The following AVL9 variants were observed in gnomAD, a reference collection of about 807,000 sequenced individuals.
AVL9 encodes the protein late secretory pathway protein AVL9 homolog.
AVL9 carries 49 observed loss-of-function variants against 79.2 expected under a neutral mutation model. The observed-to-expected ratio is 0.62, with a 90% CI of 0.49 to 0.79. The LOEUF (loss-of-function observed/expected upper bound fraction) is 0.79, where lower values mean the gene tolerates loss of function less well. AVL9 is among the 30% of genes least tolerant of loss of function. AVL9 has a pLI of 0.00. For missense variants in AVL9, 682 were observed against 776.8 expected (o/e 0.88, Z 1.45); for synonymous variants, 299 against 280.6 (o/e 1.07, Z -0.65).
intron 1 of AVL9, among the ~76,000 whole-genome samples, chr7:32,505,979 C>A (rs546352818): frequency 6.6e-6 from 1 of 152,062 alleles, no homozygotes; most frequent in African/African-American, 2.4e-5. Flanking sequence ...GTAAAGTGTG[C>A]CCTAAACATA....
At position 32,559,125 on chromosome 7, in the gene AVL9, G is replaced by A. The variant is rs941129172; in HGVS notation, c.876G>A (p.Lys292=). ...AGNHGEDAAM[K]TEEPLFQVED... is the part of the protein sequence containing the mutation. ...ACCATGGAGAAGATGCTGCCATGAAGACTGAGGAGCCTTTGTTCCAAGTGG... is the reference window on the plus strand; with the variant it reads ...ACCATGGAGAAGATGCTGCCATGAAAACTGAGGAGCCTTTGTTCCAAGTGG... The change falls in exon 10 of 16, where the codon AAG becomes AAA. Residue 292 remains lysine (K), a synonymous_variant. Transcript: ENST00000318709. The A allele has an allele frequency of 2.5e-6, 4 of 1,614,088 alleles. No individual in the cohort carries two copies. In the African/African-American group the frequency reaches 5.3e-5, roughly 22 times the overall value.
Position 32,586,668 on chromosome 7 carries a change from G to T in AVL9, c.*2761G>T. On this transcript the variant is annotated 3_prime_UTR_variant, in exon 16 of 16. Transcript: ENST00000318709. ...TTTTGTGTCTAAGAATTGAGTATTT[G>T]TACCTAGGTGTGAGGGAACCAGGGT... 1 of 152,196 alleles carries T rather than the reference G, an allele frequency of 6.6e-6. No homozygotes were observed. Among genetic ancestry groups the T allele is most frequent in the East Asian group, 1.9e-4 (1 of 5,190 alleles). 9.4% of individuals were successfully genotyped at this position (152,196 alleles called of 1,614,324 possible).
At chr7:32,558,798 C>A in intron 9 of AVL9, 131 bp from the exon 10 acceptor site, 2 of 1,059,380 alleles carry the variant, frequency 1.9e-6, no homozygotes, top group Non-Finnish European at 2.6e-6. Context: ...TCTTTCTGTT[C>A]TTTTTGTTTT....
rs1421210773 is a variant in AVL9, at chr7:32,541,316, T to A, written c.94-1825T>A. Among the ~76,000 whole-genome samples, 5 of 149,718 alleles carry A rather than the reference T, an allele frequency of 3.3e-5. No individual in the cohort carries two copies. In the Admixed American group the frequency reaches 3.4e-4, roughly 10 times the overall value. On this transcript the variant is annotated intron_variant, in intron 1 of 15. Transcript: ENST00000318709. Reference sequence around the variant, plus strand: ...TAATGTTTGTTTATTTAAAACCATGTTTATTTCATACAAAATTCATTTTAA... The same window carrying A: ...TAATGTTTGTTTATTTAAAACCATGATTATTTCATACAAAATTCATTTTAA...
At chr7:32,564,044 C>T (rs1172107353) in intron 10 of AVL9, among the ~76,000 whole-genome samples, 3 of 152,238 alleles carry the variant, frequency 2.0e-5, no homozygotes, top group South Asian at 2.1e-4. Context: ...GCTATTTCAC[C>T]GACCTGCCCT....
intron 1 of AVL9, among the ~76,000 whole-genome samples, chr7:32,515,400 C>T (rs1787865298): frequency 1.3e-5 from 2 of 152,218 alleles, no homozygotes; most frequent in Admixed American, 6.5e-5. Flanking sequence ...AGCTGGGAGC[C>T]CTCCTCCCTC....
intron 1 of AVL9, chr7:32,534,179 T>C (rs982047249): frequency 6.6e-6 from 1 of 152,224 alleles, no homozygotes; most frequent in Non-Finnish European, 1.5e-5. Flanking sequence ...GCTTTTACTT[T>C]TTAGAAATCA....
In AVL9 at chr7:32,552,299, A is replaced by C; in HGVS notation, c.529+4A>C. On this transcript the variant is annotated splice_donor_region_variant and intron_variant, in intron 6 of 15. Coordinates refer to ENST00000318709, the MANE Select transcript of AVL9 (RefSeq NM_015060.3). ...GAAGGATCCCAAGTATATCTTGGTA[A>C]GTAACTGACTTACAAGTTAAAAGAG... The C allele has an allele frequency of 6.3e-7, 1 of 1,577,906 alleles. No homozygotes were observed. Among genetic ancestry groups the C allele is most frequent in the Non-Finnish European group, 8.7e-7 (1 of 1,149,110 alleles).
chr7:32,580,285 A>AGAAAATACTGG lies in AVL9; in HGVS notation c.1742+20_1742+30dup. The AGAAAATACTGG allele has an allele frequency of 6.2e-7, 1 of 1,600,176 alleles. No homozygotes were observed. Among genetic ancestry groups the AGAAAATACTGG allele is most frequent in the Non-Finnish European group, 8.5e-7 (1 of 1,171,174 alleles). Reference sequence around the variant, plus strand: ...TAAGGTTCTCACAGTAAGTACTTAGAGAAAATACTGGGAAAATTCTTAAGT... The same window carrying AGAAAATACTGG: ...TAAGGTTCTCACAGTAAGTACTTAGAGAAAATACTGGGAAAATACTGGGAAAATTCTTAAGT... On this transcript the variant is annotated intron_variant, in intron 14 of 15. Transcript: ENST00000318709.
At chr7:32,515,836 T>A (rs749830413) in intron 1 of AVL9, among the ~76,000 whole-genome samples, 3 of 152,174 alleles carry the variant, frequency 2.0e-5, no homozygotes, top group Non-Finnish European at 4.4e-5. Context: ...AATTCCAAAT[T>A]GTAGGGAACA....
chr7:32,543,401 A>G, intron 2 of AVL9, 140 bp downstream of exon 2: 1 of 1,081,804 alleles, frequency 9.2e-7, no homozygotes, highest in Non-Finnish European at 1.3e-6. Flanking sequence ...TTGTTTGGAG[A>G]TAACTAGTCA....
intron 10 of AVL9, among the ~76,000 whole-genome samples, chr7:32,568,589 AAG>A (rs1790689072): frequency 6.6e-6 from 1 of 152,164 alleles, no homozygotes; most frequent in Admixed American, 6.5e-5. Flanking sequence ...CCTATTCATG[AAG>A]AGTTTGGATT....
intron 1 of AVL9, among the ~76,000 whole-genome samples, chr7:32,524,302 G>A (rs1427464219): frequency 6.6e-6 from 1 of 152,018 alleles, no homozygotes; most frequent in Admixed American, 6.5e-5. Flanking sequence ...GATCACCTGA[G>A]GTCAGGAGTT....
chr7:32,582,128 A>G (rs1236887697), intron 15 of AVL9, among the ~76,000 whole-genome samples: 1 of 152,154 alleles, frequency 6.6e-6, no homozygotes, highest in African/African-American at 2.4e-5. Flanking sequence ...TTTTATTTTG[A>G]TGTAGTTTCA....
chr7:32,511,061 G>A (rs1308097200), intron 1 of AVL9, among the ~76,000 whole-genome samples: 73 of 127,694 alleles, frequency 5.7e-4, no homozygotes, highest in African/African-American at 6.4e-4. Context: ...GGTTGTGGGA[G>A]TCCACAGTCC....
chr7:32,564,955 G>T (rs1790490744), intron 10 of AVL9, among the ~76,000 whole-genome samples: 3 of 152,016 alleles, frequency 2.0e-5, no homozygotes, highest in African/African-American at 7.2e-5. Flanking sequence ...TGAGGGAAGT[G>T]GAAAAAAAGA....
intron 12 of AVL9, among the ~76,000 whole-genome samples, chr7:32,575,474 C>T (rs1791048738): frequency 6.6e-6 from 1 of 152,038 alleles, no homozygotes; most frequent in Non-Finnish European, 1.5e-5. Flanking sequence ...AAGGAGAGAA[C>T]ATCATGACTG....
intron 4 of AVL9, among the ~76,000 whole-genome samples, chr7:32,550,661 A>G (rs1379633257): frequency 6.6e-6 from 1 of 152,238 alleles, no homozygotes; most frequent in Non-Finnish European, 1.5e-5. Context: ...AACATTACAA[A>G]TAAAAAGATG....
At chr7:32,540,104 G>A (rs887176432) in intron 1 of AVL9, among the ~76,000 whole-genome samples, 1 of 152,180 alleles carries the variant, frequency 6.6e-6, no homozygotes, top group African/African-American at 2.4e-5. Context: ...TATTGTGGCC[G>A]TCTTGCTTTA....
Sources: gnomAD v4.1 joint callset for allele counts (sites outside exome capture counted in the v4.1 genomes callset) on GRCh38, gnomAD v4.1.1 for gene constraint, MANE v1.5 for transcripts, NCBI Gene and HGNC (gene_info 2026-07-23, HGNC 2026-07-21) for gene names.